SCLT1: variants seen among roughly 807,000 people sequenced by gnomAD.
The protein encoded by SCLT1 is sodium channel and clathrin linker 1, also known as sodium channel-associated protein 1.
SCLT1 carries 78 observed loss-of-function variants against 112.8 expected under a neutral mutation model. That is an observed-to-expected ratio of 0.69 (90% CI 0.58 to 0.83). The LOEUF (loss-of-function observed/expected upper bound fraction) is 0.83, where lower values mean the gene tolerates loss of function less well. SCLT1 is among the 40% of genes least tolerant of loss of function. SCLT1 has a pLI of 0.00. For synonymous variants in SCLT1, 257 were observed against 254.7 expected (o/e 1.01, Z -0.09); for missense variants, 747 against 770.4 (o/e 0.97, Z 0.36).
intron 5 of SCLT1, among the ~76,000 whole-genome samples, chr4:129,020,653 C>A (rs560830602): frequency 6.3e-4 from 96 of 152,270 alleles, no homozygotes; most frequent in African/African-American, 1.6e-3. Flanking sequence ...AGGAACACAC[C>A]TGTAGATACA....
chr4:128,985,142 A>G (rs891869638), intron 9 of SCLT1, among the ~76,000 whole-genome samples: 10 of 152,112 alleles, frequency 6.6e-5, no homozygotes, highest in Non-Finnish European at 1.3e-4. Context: ...GTTGCCTTCA[A>G]TTCTCTACTT....
chr4:129,039,878 C>T, intron 4 of SCLT1: 1 of 269,418 alleles, frequency 3.7e-6, no homozygotes, highest in Non-Finnish European at 6.8e-6. Flanking sequence ...TGTGAATGAG[C>T]AAATGGAGAG....
At chr4:129,013,935 A>T (rs982763473) in intron 5 of SCLT1, among the ~76,000 whole-genome samples, 7 of 152,156 alleles carry the variant, frequency 4.6e-5, no homozygotes, top group Non-Finnish European at 8.8e-5. Context: ...CATGTCTTTC[A>T]GGGATGCCTA....
chr4:128,926,338 C>T (rs191968934), intron 18 of SCLT1, among the ~76,000 whole-genome samples: 2 of 152,136 alleles, frequency 1.3e-5, no homozygotes, highest in East Asian at 3.9e-4. Context: ...CCACTCTGGC[C>T]GACTGGAACT....
At chr4:129,076,462 G>C (rs529282006) in intron 2 of SCLT1, among the ~76,000 whole-genome samples, 1 of 152,116 alleles carries the variant, frequency 6.6e-6, no homozygotes, top group South Asian at 2.1e-4. Flanking sequence ...TGGGTACAAA[G>C]GGTAATGAGT....
intron 1 of SCLT1, among the ~76,000 whole-genome samples, chr4:129,089,777 A>G (rs1169351946): frequency 1.3e-5 from 2 of 152,046 alleles, no homozygotes; most frequent in African/African-American, 4.8e-5. Context: ...AACACCAAAC[A>G]CCGCATATTC....
At position 129,082,295 on chromosome 4, in the gene SCLT1, A is replaced by C. The variant is rs746124839; in HGVS notation, c.102+11T>G. On this transcript the variant is annotated intron_variant, in intron 2 of 20. Transcript: ENST00000281142. ...GAGAATATTCCCAAGTAGAATTTAT[A>C]ATTTACATACCTGTACAGATGAATA... The C allele has an allele frequency of 7.6e-7, 1 of 1,308,652 alleles. No individual in the cohort carries two copies. The highest frequency in any genetic ancestry group is 1.6e-5 in the South Asian group (1 of 63,528). 81.1% of individuals were successfully genotyped at this position (1,308,652 alleles called of 1,614,324 possible). A position where few individuals can be genotyped will look rare whatever the true frequency, so the allele number is the denominator to read the frequency against.
chr4:129,032,055 T>A (rs752200905), intron 5 of SCLT1, among the ~76,000 whole-genome samples: 1 of 151,824 alleles, frequency 6.6e-6, no homozygotes, highest in Non-Finnish European at 1.5e-5. Context: ...ACAAAGCTAA[T>A]CAAAAAGATC....
chr4:129,067,829 C>CTT (rs568059639), intron 2 of SCLT1, among the ~76,000 whole-genome samples: 3 of 142,146 alleles, frequency 2.1e-5, no homozygotes, highest in East Asian at 2.1e-4. Flanking sequence ...AATATTTTAA[C>CTT]TTTTTTTTTT....
At chr4:128,940,797 C>A (rs1342172881) in intron 17 of SCLT1, among the ~76,000 whole-genome samples, 2 of 151,548 alleles carry the variant, frequency 1.3e-5, no homozygotes, top group Non-Finnish European at 2.9e-5. Flanking sequence ...ATAGATGTAA[C>A]ATATTTACTT....
chr4:129,053,029 T>A (rs1748968041), intron 2 of SCLT1, among the ~76,000 whole-genome samples: 1 of 152,224 alleles, frequency 6.6e-6, no homozygotes, highest in Non-Finnish European at 1.5e-5. Flanking sequence ...TCCATATAGC[T>A]GTGTGGTTTT....
Position 128,997,945 on chromosome 4 carries a change from G to A in SCLT1, c.550-6C>T, listed in dbSNP as rs878857965. 6.7e-7 allele frequency: 1 copy of A among 1,483,678 alleles called. No individual in the cohort carries two copies. 91.9% of individuals were successfully genotyped at this position (1,483,678 alleles called of 1,614,324 possible). On this transcript the variant is annotated splice_polypyrimidine_tract_variant and splice_region_variant and intron_variant, in intron 7 of 20. Coordinates refer to ENST00000281142, the MANE Select transcript of SCLT1 (RefSeq NM_144643.4). ...TGAAAATCAAATAGCTGATCCTACA[G>A]TGGGAAGGTAAGGGGAGTATATAAA... is the stretch of plus-strand genomic sequence containing the variant.
Position 128,948,486 on chromosome 4 carries a change from T to C in SCLT1, c.1293+10A>G. 6.2e-7 allele frequency: 1 copy of C among 1,605,892 alleles called. No individual in the cohort carries two copies. Among genetic ancestry groups the C allele is most frequent in the East Asian group, 2.2e-5 (1 of 44,788 alleles). Reference sequence around the variant, plus strand: ...GGTTTTAGGTAGTTATATTTCCTTTTTCTTTTTACCTTTTCTAGTTCTTCT... The same window carrying C: ...GGTTTTAGGTAGTTATATTTCCTTTCTCTTTTTACCTTTTCTAGTTCTTCT... On this transcript the variant is annotated intron_variant, in intron 15 of 20. Transcript: ENST00000281142.
At chr4:129,065,245 T>A (rs990899233) in intron 2 of SCLT1, among the ~76,000 whole-genome samples, 1 of 152,084 alleles carries the variant, frequency 6.6e-6, no homozygotes, top group South Asian at 2.1e-4. Context: ...TCATTTCATA[T>A]CACTAGGCCT....
intron 5 of SCLT1, among the ~76,000 whole-genome samples, chr4:129,012,578 A>G (rs1242361918): frequency 1.3e-5 from 2 of 151,926 alleles, no homozygotes; most frequent in Non-Finnish European, 2.9e-5. Flanking sequence ...ATCTTTGTTA[A>G]TTTTCTCTCT....
intron 2 of SCLT1, among the ~76,000 whole-genome samples, chr4:129,071,369 G>A (rs575635545): frequency 6.6e-6 from 1 of 152,168 alleles, no homozygotes; most frequent in Non-Finnish European, 1.5e-5. Context: ...AAGGCTGTCA[G>A]TGGAGTATTG....
chr4:129,051,624 G>A (rs536061608), intron 2 of SCLT1, among the ~76,000 whole-genome samples: 31 of 152,182 alleles, frequency 2.0e-4, no homozygotes, highest in Admixed American at 9.8e-4. Flanking sequence ...AGAGATTTTG[G>A]GCTGAGACGA....
At chr4:129,070,389 A>G (rs1750891755) in intron 2 of SCLT1, among the ~76,000 whole-genome samples, 1 of 150,094 alleles carries the variant, frequency 6.7e-6, no homozygotes, top group African/African-American at 2.5e-5. Flanking sequence ...CTGGTCCTGG[A>G]CTTTTTTTTT....
At chr4:128,942,605 C>T (rs1579447985) in intron 17 of SCLT1, among the ~76,000 whole-genome samples, 1 of 152,066 alleles carries the variant, frequency 6.6e-6, no homozygotes, top group Non-Finnish European at 1.5e-5. Flanking sequence ...GTTCTCAGAG[C>T]CTACTGCTTT....
Sources: allele counts gnomAD v4.1 joint callset (sites outside exome capture counted in the v4.1 genomes callset), GRCh38; gene constraint gnomAD v4.1.1; transcripts MANE v1.5; gene names NCBI Gene and HGNC (gene_info 2026-07-23, HGNC 2026-07-21).